Variants in RIMS1 observed in about 807,000 individuals in gnomAD.
The protein encoded by RIMS1 is regulating synaptic membrane exocytosis 1, also known as regulating synaptic membrane exocytosis protein 1.
In RIMS1, 83 loss-of-function variants were observed where a neutral mutation model predicts 214.1. That is an observed-to-expected ratio of 0.39 (90% CI 0.32 to 0.47). The LOEUF is 0.47. Among genes scored for constraint, RIMS1 ranks in the 20% least tolerant of loss-of-function variants. RIMS1 has a pLI of 0.99. For synonymous variants in RIMS1, 793 were observed against 786.8 expected (o/e 1.01, Z -0.13); for missense variants, 2,050 against 2,161.8 (o/e 0.95, Z 1.03).
chr6:71,893,945 A>G (rs962269045), intron 1 of RIMS1, among the ~76,000 whole-genome samples: 4 of 152,162 alleles, frequency 2.6e-5, no homozygotes, highest in African/African-American at 9.7e-5. Flanking sequence ...CCTTCTCTCA[A>G]TTTTGAGTTT....
At chr6:72,079,443 A>G (rs202116961) in intron 2 of RIMS1, among the ~76,000 whole-genome samples, 2 of 152,276 alleles carry the variant, frequency 1.3e-5, no homozygotes, top group Admixed American at 1.3e-4. Context: ...ACTATGAGAT[A>G]ATATATTATC....
In RIMS1 at chr6:72,248,163, A is replaced by G. The variant is rs764774733; in HGVS notation, c.2241+36A>G. 1.7e-5 allele frequency: 22 copies of G among 1,277,022 alleles called. No individual in the cohort carries two copies. In the East Asian group the frequency reaches 5.1e-4, roughly 30 times the overall value. The allele number at this position is 1,277,022 out of a possible 1,614,324, so 79.1% of individuals were successfully genotyped here. A position where few individuals can be genotyped will look rare whatever the true frequency, so the allele number is the denominator to read the frequency against. On this transcript the variant is annotated intron_variant, in intron 12 of 33. Transcript: ENST00000521978. ...TTTGTACATGTTGGAGGCTGTTAGTATTTGCATACACTGTCTGAGTCTGTC... is the reference window on the plus strand; with the variant it reads ...TTTGTACATGTTGGAGGCTGTTAGTGTTTGCATACACTGTCTGAGTCTGTC...
At chr6:72,308,311 G>A (rs1412638308) in intron 27 of RIMS1, among the ~76,000 whole-genome samples, 1 of 151,990 alleles carries the variant, frequency 6.6e-6, no homozygotes, top group Non-Finnish European at 1.5e-5. Flanking sequence ...TCTTCATGAA[G>A]TAATTTTAAA....
intron 4 of RIMS1, among the ~76,000 whole-genome samples, chr6:72,175,066 A>G (rs2047519293): frequency 6.6e-6 from 1 of 152,162 alleles, no homozygotes; most frequent in African/African-American, 2.4e-5. Context: ...ACTTTTGTCA[A>G]CAAAGTTGAA....
rs1793165009 is a variant in RIMS1 at position 71,962,226 on chromosome 6, A to T, written c.165-6757A>T. Among the ~76,000 whole-genome samples, 8 of 152,258 alleles carry T rather than the reference A, an allele frequency of 5.3e-5. 1 individual carries two copies. In the South Asian group the frequency reaches 1.7e-3, roughly 32 times the overall value. ...TTCTTATCAGTCTTTGAAAAAATGG[A>T]TTTCCAAAACTTAAAATCTCTTATT... On this transcript the variant is annotated intron_variant, in intron 1 of 33. Coordinates refer to ENST00000521978, the MANE Select transcript of RIMS1 (RefSeq NM_014989.7).
intron 2 of RIMS1, among the ~76,000 whole-genome samples, chr6:72,037,178 T>C (rs1585362154): frequency 6.6e-6 from 1 of 151,948 alleles, no homozygotes; most frequent in African/African-American, 2.4e-5. Flanking sequence ...TATTTTGGCA[T>C]GTGGCTGAGG....
At chr6:72,308,726 A>T (rs1282377071) in intron 27 of RIMS1, among the ~76,000 whole-genome samples, 1 of 152,156 alleles carries the variant, frequency 6.6e-6, no homozygotes, top group Non-Finnish European at 1.5e-5. Context: ...GGTCACTGTG[A>T]TTCAGTGATG....
chr6:72,322,922 C>G (rs2096248943), intron 28 of RIMS1, among the ~76,000 whole-genome samples: 1 of 152,006 alleles, frequency 6.6e-6, no homozygotes, highest in African/African-American at 2.4e-5. Context: ...TGTCTATGCA[C>G]AGGGAAGTTT....
At chr6:72,271,276 A>ATATATATATATATATATAT (rs1223502396) in intron 22 of RIMS1, among the ~76,000 whole-genome samples, 1 of 49,630 alleles carries the variant, frequency 2.0e-5, no homozygotes, top group Non-Finnish European at 3.7e-5. Flanking sequence ...AAGGAAAAAA[A>ATATATATATATATATATAT]AAAAAAAAAA....
chr6:71,993,771 A>G (rs1279457282), intron 2 of RIMS1, among the ~76,000 whole-genome samples: 1 of 152,208 alleles, frequency 6.6e-6, no homozygotes, highest in Non-Finnish European at 1.5e-5. Context: ...AGTTTGGTAT[A>G]TAGGAGATTC....
chr6:72,143,213 A>G (rs1469916648), intron 4 of RIMS1, among the ~76,000 whole-genome samples: 1 of 152,202 alleles, frequency 6.6e-6, no homozygotes, highest in Non-Finnish European at 1.5e-5. Context: ...GAGCAGAAAG[A>G]TATATTATTT....
At chr6:72,260,205 G>A (rs914365184) in intron 18 of RIMS1, among the ~76,000 whole-genome samples, 5 of 152,078 alleles carry the variant, frequency 3.3e-5, no homozygotes, top group Non-Finnish European at 5.9e-5. Context: ...AGTATTAATT[G>A]TAAAATAAAA....
intron 28 of RIMS1, among the ~76,000 whole-genome samples, chr6:72,315,560 T>C (rs1259890079): frequency 1.3e-5 from 2 of 152,188 alleles, no homozygotes; most frequent in African/African-American, 4.8e-5. Context: ...ATATTTGCTC[T>C]TAGAATAATT....
Position 72,401,832 on chromosome 6 carries a change from AAT to A in RIMS1, c.*1121_*1122del, listed in dbSNP as rs1471995546. 6.5e-6 allele frequency: 1 copy of A among 152,678 alleles called. No homozygotes were observed. The highest frequency in any genetic ancestry group is 2.4e-5 in the African/African-American group (1 of 41,470). 9.5% of individuals were successfully genotyped at this position (152,678 alleles called of 1,614,324 possible). The stretch of plus-strand genomic sequence containing the variant: ...ATATTCCACTGGAAATTCCAGTTGA[AAT>A]ATTCTGCACTAAACTATTGTTTTTA... On this transcript the variant is annotated 3_prime_UTR_variant, in exon 34 of 34. Transcript: ENST00000521978.
chr6:72,041,972 C>A (rs893495409), intron 2 of RIMS1, among the ~76,000 whole-genome samples: 2 of 151,876 alleles, frequency 1.3e-5, no homozygotes, highest in Admixed American at 1.3e-4. Flanking sequence ...AACTCTAAAC[C>A]ATTATGTTAG....
rs564087967 is a variant in RIMS1 at position 72,201,582 on chromosome 6, A to G, written c.1678+18433A>G. 1.2e-4 allele frequency among the ~76,000 whole-genome samples: 19 copies of G among 152,330 alleles called. No homozygotes were observed. The East Asian group carries it at 2.3e-3, about 19-fold the overall frequency. ...TCTCTCCTTTCACACACTGTTGATC[A>G]GAGAAGGAAACATGGGTATTGAGAT... On this transcript the variant is annotated intron_variant, in intron 6 of 33. Transcript: ENST00000521978.
intron 2 of RIMS1, among the ~76,000 whole-genome samples, chr6:71,992,404 C>CTCTTTCTTTCTTTCTT (rs70994109): frequency 0.027 from 2,946 of 110,068 alleles, 59 homozygotes; most frequent in East Asian, 0.051. Context: ...TTCTCTCTCT[C>CTCTTTCTTTCTTTCTT]TCTTTCTTTC....
intron 1 of RIMS1, among the ~76,000 whole-genome samples, chr6:71,904,054 T>C (rs1774554863): frequency 6.6e-6 from 1 of 152,098 alleles, no homozygotes; most frequent in Non-Finnish European, 1.5e-5. Context: ...GGGATGACCT[T>C]GTTTATTATT....
At chr6:72,225,153 A>C (rs1394496222) in intron 6 of RIMS1, among the ~76,000 whole-genome samples, 1 of 152,200 alleles carries the variant, frequency 6.6e-6, no homozygotes, top group Non-Finnish European at 1.5e-5. Flanking sequence ...AAAACAAACT[A>C]TTCATAGTCA....
Sources: gnomAD v4.1 joint callset for allele counts (sites outside exome capture counted in the v4.1 genomes callset) on GRCh38, gnomAD v4.1.1 for gene constraint, MANE v1.5 for transcripts, NCBI Gene and HGNC (gene_info 2026-07-23, HGNC 2026-07-21) for gene names.